ELMO1: variants seen among roughly 807,000 people sequenced by gnomAD.
ELMO1 encodes the protein engulfment and cell motility 1, also known as engulfment and cell motility protein 1.
Under a neutral mutation model 98.9 loss-of-function variants are expected in ELMO1, and 26 were observed. That is an observed-to-expected ratio of 0.26 (90% CI 0.19 to 0.36). The LOEUF is 0.36. Ranked by LOEUF, ELMO1 falls within the 10% of genes least tolerant of loss-of-function variation. The pLI, the probability that ELMO1 is intolerant of heterozygous loss-of-function variation, is 1.00. For missense variants in ELMO1, 627 were observed against 935.2 expected (o/e 0.67, Z 4.30); for synonymous variants, 346 against 346.0 (o/e 1.00, Z 0.00).
intron 16 of ELMO1, among the ~76,000 whole-genome samples, chr7:36,997,156 T>C (rs1792279800): frequency 6.6e-6 from 1 of 152,212 alleles, no homozygotes; most frequent in Middle Eastern, 3.4e-3. Flanking sequence ...CAGAACAAAC[T>C]GAGTCCATAA....
intron 19 of ELMO1, among the ~76,000 whole-genome samples, chr7:36,876,312 T>C (rs191825456): frequency 3.3e-5 from 5 of 152,270 alleles, no homozygotes; most frequent in African/African-American, 1.2e-4. Flanking sequence ...TAGGTCCTTC[T>C]TACTTTTTTT....
chr7:37,040,261 C>T (rs1421040664), intron 15 of ELMO1, among the ~76,000 whole-genome samples: 1 of 152,142 alleles, frequency 6.6e-6, no homozygotes, highest in Non-Finnish European at 1.5e-5. Flanking sequence ...AAGCACAAAA[C>T]TAAATAAAGC....
intron 15 of ELMO1, among the ~76,000 whole-genome samples, chr7:37,070,498 G>A (rs191619591): frequency 6.6e-6 from 1 of 151,820 alleles, no homozygotes; most frequent in African/African-American, 2.4e-5. Flanking sequence ...TTTGTGAACT[G>A]TGTGTGTGTG....
chr7:37,075,240 G>A (rs185045670), intron 15 of ELMO1, among the ~76,000 whole-genome samples: 67 of 150,588 alleles, frequency 4.4e-4, no homozygotes, highest in African/African-American at 1.2e-3. Flanking sequence ...TCTGCCTCCC[G>A]GGTTCATGCC....
chr7:37,415,788 T>C (rs879506827), intron 1 of ELMO1, among the ~76,000 whole-genome samples: 12 of 151,998 alleles, frequency 7.9e-5, no homozygotes, highest in Non-Finnish European at 1.6e-4. Context: ...ATAAAGTGAG[T>C]GGATCCAACT....
intron 8 of ELMO1, among the ~76,000 whole-genome samples, chr7:37,232,678 C>T (rs2130623242): frequency 6.6e-6 from 1 of 152,306 alleles, no homozygotes; most frequent in South Asian, 2.1e-4. Flanking sequence ...TCATATAACC[C>T]TGCTTCAAAC....
chr7:37,447,619 TCACACACACACCCACAACACCCCCCC>T (rs980556449), intron 1 of ELMO1, among the ~76,000 whole-genome samples: 3 of 144,310 alleles, frequency 2.1e-5, no homozygotes, highest in African/African-American at 8.0e-5. Context: ...ACACACCGAC[TCACACACACACCCACAACACCCCCCC>T]CACACACACA....
intron 20 of ELMO1, among the ~76,000 whole-genome samples, chr7:36,864,642 C>A (rs1802888706): frequency 6.6e-6 from 1 of 152,196 alleles, no homozygotes; most frequent in South Asian, 2.1e-4. Context: ...GAAACTGCCA[C>A]CTGTCCACAC....
chr7:37,309,078 G>A (rs117874121), intron 4 of ELMO1, among the ~76,000 whole-genome samples: 15,517 of 152,120 alleles, frequency 0.1, 1,124 homozygotes, highest in East Asian at 0.3. Flanking sequence ...GTATTAGTCC[G>A]TTCTCATGCT....
At chr7:37,171,582 T>A (rs1177936900) in intron 13 of ELMO1, among the ~76,000 whole-genome samples, 1 of 134,582 alleles carries the variant, frequency 7.4e-6, no homozygotes, top group African/African-American at 2.8e-5. Context: ...AAGCTGAGCC[T>A]CCCAGATTCA....
intron 16 of ELMO1, among the ~76,000 whole-genome samples, chr7:36,990,115 G>T (rs1791773481): frequency 6.6e-6 from 1 of 152,130 alleles, no homozygotes; most frequent in Non-Finnish European, 1.5e-5. Context: ...GCATCTTCGA[G>T]GAAACTTCCA....
chr7:37,418,390 C>A (rs1804322422), intron 1 of ELMO1, among the ~76,000 whole-genome samples: 1 of 152,164 alleles, frequency 6.6e-6, no homozygotes, highest in Non-Finnish European at 1.5e-5. Context: ...TGACAGCAGC[C>A]TGCAGCACCA....
In ELMO1 at chr7:36,855,824, C is replaced by G. The variant is rs542140804; in HGVS notation, c.1984-73G>C. 324 of 1,548,874 alleles carry G rather than the reference C, an allele frequency of 2.1e-4. No individual in the cohort carries two copies. Among genetic ancestry groups the G allele is most frequent in the Non-Finnish European group, 2.7e-4 (299 of 1,124,936 alleles). On this transcript the variant is annotated intron_variant, in intron 21 of 21. Coordinates refer to ENST00000310758, the MANE Select transcript of ELMO1 (RefSeq NM_014800.11). The surrounding 1 kb of genome is among the most constrained non-coding windows in gnomAD (Gnocchi z 4.2). ...AAGTATTAATAGTAAAAATAGCTAACAGTGAATACTCATCCCTCAGTAGGC... is the reference window on the plus strand; with the variant it reads ...AAGTATTAATAGTAAAAATAGCTAAGAGTGAATACTCATCCCTCAGTAGGC...
chr7:36,873,379 T>C (rs546367346), intron 19 of ELMO1, among the ~76,000 whole-genome samples: 16 of 152,272 alleles, frequency 1.1e-4, no homozygotes, highest in African/African-American at 3.9e-4. Flanking sequence ...GCCTTTTGTG[T>C]GGAAGCAAGA....
chr7:37,396,476 G>T (rs184057915), intron 1 of ELMO1, among the ~76,000 whole-genome samples: 4 of 152,284 alleles, frequency 2.6e-5, no homozygotes, highest in Admixed American at 2.0e-4. Flanking sequence ...AAATAAGATT[G>T]CTGAAGTAGA....
intron 2 of ELMO1, among the ~76,000 whole-genome samples, chr7:37,323,961 T>A (rs11767535): frequency 0.17 from 26,318 of 152,056 alleles, 2,938 homozygotes; most frequent in East Asian, 0.45. Context: ...ATATGATCAC[T>A]CTCTCACTCA....
chr7:37,305,330 T>C (rs563362406), intron 4 of ELMO1, among the ~76,000 whole-genome samples: 27 of 152,254 alleles, frequency 1.8e-4, no homozygotes, highest in Admixed American at 5.2e-4. Context: ...TATTACTGTT[T>C]GATGATCTGC....
intron 15 of ELMO1, among the ~76,000 whole-genome samples, chr7:37,084,649 A>G (rs1554407488): frequency 6.6e-6 from 1 of 152,208 alleles, no homozygotes; most frequent in Non-Finnish European, 1.5e-5. Context: ...AAGATGTTGC[A>G]GGGGTTAACA....
At chr7:37,151,004 C>T (rs1239378934) in intron 13 of ELMO1, among the ~76,000 whole-genome samples, 1 of 152,234 alleles carries the variant, frequency 6.6e-6, no homozygotes, top group Non-Finnish European at 1.5e-5. Flanking sequence ...GCCAGAGGGA[C>T]TCACGCTGGG....
Sources: gnomAD v4.1 joint callset for allele counts (sites outside exome capture counted in the v4.1 genomes callset) on GRCh38, gnomAD v4.1.1 for gene constraint, Gnocchi (gnomAD v3.1) non-coding constraint, MANE v1.5 for transcripts, NCBI Gene and HGNC (gene_info 2026-07-23, HGNC 2026-07-21) for gene names.